Variants in GAREM1 observed in about 807,000 individuals in gnomAD.
GAREM1 encodes the protein GRB2 associated regulator of MAPK1 subtype 1, also known as GRB2-associated and regulator of MAPK protein 1.
In GAREM1, 26 loss-of-function variants were observed where a neutral mutation model predicts 71.3. The observed-to-expected ratio is 0.36, with a 90% CI of 0.27 to 0.51. The LOEUF is 0.51. GAREM1 is among the 20% of genes least tolerant of loss of function. The probability of loss-of-function intolerance (pLI) is 0.95; values close to 1 mark genes in which losing one functional copy is unlikely to be tolerated. For synonymous variants in GAREM1, 440 were observed against 433.2 expected, an observed-to-expected ratio of 1.02 and a Z score of -0.20; for missense variants, 1,026 against 1,103.1, an observed-to-expected ratio of 0.93 and a Z score of 0.99.
In GAREM1 at chr18:32,267,889, G is replaced by T. The variant is rs752833416; in HGVS notation, c.2613C>A (p.Gly871=). Residue 871 remains glycine, a synonymous_variant, in exon 6 of 6, where the codon GGC becomes GGA. Transcript: ENST00000269209. Reference sequence around the variant, plus strand: ...TATTTGGCTATATTTTGGGCCTCCAGCCATTAATGAATTGCATTATCTTCT... The same window carrying T: ...TATTTGGCTATATTTTGGGCCTCCATCCATTAATGAATTGCATTATCTTCT... The part of the protein sequence containing the change: ...QVKKIMQFIN[G]WRPKI The T allele has an allele frequency of 1.2e-6, 2 of 1,611,212 alleles. No homozygotes were observed. Among genetic ancestry groups the T allele is most frequent in the South Asian group, 2.2e-5 (2 of 90,908 alleles).
At chr18:32,431,594 C>CCGCAG in intron 1 of GAREM1, among the ~76,000 whole-genome samples, 1 of 152,164 alleles carries the variant, frequency 6.6e-6, no homozygotes, top group Non-Finnish European at 1.5e-5. Flanking sequence ...CGCCACTGCA[C>CCGCAG]TCCAGCCTAG....
chr18:32,284,080 C>T (rs1218754390), intron 4 of GAREM1, among the ~76,000 whole-genome samples: 6 of 152,132 alleles, frequency 3.9e-5, no homozygotes, highest in African/African-American at 1.4e-4. Context: ...ATTTATGCCC[C>T]ATTAAAGTTC....
At chr18:32,280,857 G>GAT (rs80268603) in intron 4 of GAREM1, among the ~76,000 whole-genome samples, 5 of 152,074 alleles carry the variant, frequency 3.3e-5, no homozygotes, top group African/African-American at 1.2e-4. Flanking sequence ...TGTGGGGATG[G>GAT]ATATGTCCAC....
chr18:32,436,893 T>TG (rs1396023557), intron 1 of GAREM1, among the ~76,000 whole-genome samples: 1 of 152,140 alleles, frequency 6.6e-6, no homozygotes, highest in Non-Finnish European at 1.5e-5. Flanking sequence ...ACTTACTAGC[T>TG]GGGGGACCTT....
intron 2 of GAREM1, among the ~76,000 whole-genome samples, chr18:32,353,774 T>C (rs979341283): frequency 6.6e-6 from 1 of 152,132 alleles, no homozygotes; most frequent in Non-Finnish European, 1.5e-5. Flanking sequence ...TATATGGAAA[T>C]ACTAGAAAGT....
intron 1 of GAREM1, among the ~76,000 whole-genome samples, chr18:32,417,719 T>C (rs1188807063): frequency 4.0e-5 from 6 of 151,774 alleles, no homozygotes; most frequent in South Asian, 2.1e-4. Context: ...TTACAAGAGG[T>C]TGGGAAAGGT....
intron 1 of GAREM1, among the ~76,000 whole-genome samples, chr18:32,404,084 G>A (rs1341012569): frequency 3.3e-5 from 5 of 152,076 alleles, no homozygotes; most frequent in African/African-American, 1.2e-4. Flanking sequence ...TATGCTGATT[G>A]TAAGTATTTC....
chr18:32,375,002 A>G (rs149545380), intron 2 of GAREM1, among the ~76,000 whole-genome samples: 57 of 152,314 alleles, frequency 3.7e-4, no homozygotes, highest in African/African-American at 1.3e-3. Flanking sequence ...CTTTCTCCTA[A>G]AGAAGAAGCT....
At chr18:32,455,642 G>T (rs751524981) in intron 1 of GAREM1, among the ~76,000 whole-genome samples, 1 of 152,100 alleles carries the variant, frequency 6.6e-6, no homozygotes, top group Non-Finnish European at 1.5e-5. Flanking sequence ...TATCACTTCA[G>T]AGACTCACCA....
chr18:32,425,765 CATCTA>C (rs1202528275), intron 1 of GAREM1, among the ~76,000 whole-genome samples: 1 of 152,170 alleles, frequency 6.6e-6, no homozygotes, highest in Non-Finnish European at 1.5e-5. Context: ...TACTTCTTTT[CATCTA>C]ATCTAAGTAG....
At chr18:32,364,026 A>ATATATATTTTTTTTTT (rs1336753011) in intron 2 of GAREM1, among the ~76,000 whole-genome samples, 1 of 46,400 alleles carries the variant, frequency 2.2e-5, no homozygotes, top group African/African-American at 1.6e-4. Context: ...ATATATATAT[A>ATATATATTTTTTTTTT]TGTTTTTTTT....
At chr18:32,448,780 C>T (rs2048807012) in intron 1 of GAREM1, among the ~76,000 whole-genome samples, 2 of 152,276 alleles carry the variant, frequency 1.3e-5, no homozygotes, top group South Asian at 4.1e-4. Flanking sequence ...CACCTTCCAC[C>T]CCAAGTCTTT....
chr18:32,442,886 C>T (rs1265266831), intron 1 of GAREM1, among the ~76,000 whole-genome samples: 2 of 152,250 alleles, frequency 1.3e-5, no homozygotes, highest in East Asian at 3.9e-4. Flanking sequence ...CTTGTATTTG[C>T]TACTGTAAAA....
At chr18:32,361,580 A>C (rs985643578) in intron 2 of GAREM1, among the ~76,000 whole-genome samples, 3 of 152,206 alleles carry the variant, frequency 2.0e-5, no homozygotes, top group Admixed American at 6.5e-5. Flanking sequence ...AGTTTCAAAC[A>C]AAAGTGTTTG....
Position 32,320,446 on chromosome 18 carries a change from A to AT in GAREM1, c.263-10124dup, listed in dbSNP as rs907500603. On this transcript the variant is annotated intron_variant, in intron 2 of 5. Transcript: ENST00000269209. The stretch of plus-strand genomic sequence containing the variant: ...CTTGAAGTTAGTTCCTAAAATTACT[A>AT]TTTTTTCATGGCGGAGGAAGTGGAA... 2.0e-5 allele frequency among the ~76,000 whole-genome samples: 3 copies of AT among 152,044 alleles called. No individual in the cohort carries two copies. The South Asian group carries it at 6.2e-4, about 31-fold the overall frequency.
chr18:32,343,311 G>GTTTTTTGTTT (rs2047664690), intron 2 of GAREM1, among the ~76,000 whole-genome samples: 1 of 118,886 alleles, frequency 8.4e-6, no homozygotes, highest in African/African-American at 3.4e-5. Context: ...CTCCCCCACT[G>GTTTTTTGTTT]TTTTTTTTTT....
rs2041359090 is a variant in GAREM1, at chr18:32,265,405, G to GT, written c.*2465dup. ...CTGACGTTTTAAAGACAGGACACAC[G>GT]TAATTCTCCATATACCCAGCTGCCC... is the stretch of plus-strand genomic sequence containing the variant. On this transcript the variant is annotated 3_prime_UTR_variant, in exon 6 of 6. Transcript: ENST00000269209. 1 of 152,162 alleles carries GT rather than the reference G, an allele frequency of 6.6e-6. No homozygotes were observed. The highest frequency in any genetic ancestry group is 6.6e-5 in the Admixed American group (1 of 15,262). 9.4% of individuals were successfully genotyped at this position (152,162 alleles called of 1,614,324 possible).
At chr18:32,432,197 T>C (rs10853421) in intron 1 of GAREM1, among the ~76,000 whole-genome samples, 32,916 of 152,018 alleles carry the variant, frequency 0.22, 4,210 homozygotes, top group East Asian at 0.39. Flanking sequence ...AAAATAAATA[T>C]GATGGTGCAA....
chr18:32,412,513 A>G (rs2048429898), intron 1 of GAREM1: 13 of 1,596,620 alleles, frequency 8.1e-6, no homozygotes, highest in Non-Finnish European at 1.0e-5. Flanking sequence ...CGACCACTGA[A>G]GTTTCCTCCA....
Sources: allele counts gnomAD v4.1 joint callset (sites outside exome capture counted in the v4.1 genomes callset), GRCh38; gene constraint gnomAD v4.1.1; transcripts MANE v1.5; gene names NCBI Gene and HGNC (gene_info 2026-07-23, HGNC 2026-07-21).